Variants in PCDH15 observed in about 807,000 individuals in gnomAD.
PCDH15 encodes the protein protocadherin-15.
PCDH15 carries 129 observed loss-of-function variants against 178.5 expected under a neutral mutation model. The observed-to-expected ratio is 0.72, with a 90% CI of 0.63 to 0.84. PCDH15 has a LOEUF of 0.84. Ranked by LOEUF, PCDH15 falls within the 40% of genes least tolerant of loss-of-function variation. The probability of loss-of-function intolerance (pLI) is 0.00; values close to 1 mark genes in which losing one functional copy is unlikely to be tolerated. For missense variants in PCDH15, 2,230 were observed against 2,099.9 expected, an observed-to-expected ratio of 1.06 and a Z score of -1.21; for synonymous variants, 800 against 732.0, an observed-to-expected ratio of 1.09 and a Z score of -1.50.
chr10:54,392,870 G>T (rs1170552678), intron 3 of PCDH15, among the ~76,000 whole-genome samples: 1 of 145,814 alleles, frequency 6.9e-6, no homozygotes, highest in African/African-American at 2.6e-5. Context: ...CTGAACTCCA[G>T]TCTGGGCGAC....
intron 18 of PCDH15, among the ~76,000 whole-genome samples, chr10:54,044,001 C>T (rs1345177578): frequency 2.0e-5 from 3 of 152,046 alleles, no homozygotes; most frequent in African/African-American, 4.8e-5. Context: ...AGTCAAGTTG[C>T]AGCATGTTCT....
intron 1 of PCDH15, among the ~76,000 whole-genome samples, chr10:55,266,539 T>C (rs1842300341): frequency 6.6e-6 from 1 of 152,280 alleles, no homozygotes; most frequent in Non-Finnish European, 1.5e-5. Context: ...TGTTCCTAAA[T>C]GTTGCATTTC....
chr10:53,902,466 G>T (rs11003925), intron 26 of PCDH15, among the ~76,000 whole-genome samples: 34,349 of 152,032 alleles, frequency 0.23, 5,899 homozygotes, highest in African/African-American at 0.47. Context: ...CTATTTACAA[G>T]TTAACCATTG....
At chr10:55,422,271 T>TC (rs1156332804) in intron 2 of PCDH15, among the ~76,000 whole-genome samples, 3 of 151,844 alleles carry the variant, frequency 2.0e-5, no homozygotes, top group African/African-American at 7.2e-5. Flanking sequence ...AAAGATACCT[T>TC]AAAGAATAGT....
chr10:53,881,011 CAT>C (rs2080672480), intron 26 of PCDH15, among the ~76,000 whole-genome samples: 1 of 152,084 alleles, frequency 6.6e-6, no homozygotes, highest in Non-Finnish European at 1.5e-5. Flanking sequence ...TAAAAACACA[CAT>C]ATGTATATAT....
At chr10:54,068,842 CTGTG>C (rs796312459) in intron 17 of PCDH15, among the ~76,000 whole-genome samples, 8 of 152,096 alleles carry the variant, frequency 5.3e-5, no homozygotes, top group African/African-American at 1.7e-4. Context: ...GTGCATTAGT[CTGTG>C]TGTTATATTT....
intron 3 of PCDH15, among the ~76,000 whole-genome samples, chr10:54,875,940 T>C (rs1954131589): frequency 6.6e-6 from 1 of 152,156 alleles, no homozygotes; most frequent in African/African-American, 2.4e-5. Flanking sequence ...TCAATGTAGA[T>C]GAAAGAACCT....
rs754520523 is a variant in PCDH15 at position 53,995,778 on chromosome 10, A to G, written c.2752-13T>C. On this transcript the variant is annotated splice_polypyrimidine_tract_variant and intron_variant, in intron 20 of 37. Transcript: ENST00000644397. ...AATCATTCATATCCTGTAAAACACAATTAGGAGTTTAGTACTTCAGTTGAA... is the reference window on the plus strand; with the variant it reads ...AATCATTCATATCCTGTAAAACACAGTTAGGAGTTTAGTACTTCAGTTGAA... The G allele has an allele frequency of 1.9e-6, 3 of 1,611,762 alleles. No homozygotes were observed. The highest frequency in any genetic ancestry group is 2.2e-5 in the East Asian group (1 of 44,842).
intron 3 of PCDH15, among the ~76,000 whole-genome samples, chr10:54,503,264 T>TGTGTGAGAGA (rs35648214): frequency 1.3e-3 from 179 of 137,370 alleles, no homozygotes; most frequent in East Asian, 5.6e-3. Context: ...TGTGTGTGTG[T>TGTGTGAGAGA]GATTATATAT....
intron 6 of PCDH15, among the ~76,000 whole-genome samples, chr10:54,344,452 G>T (rs749937575): frequency 2.0e-5 from 3 of 152,058 alleles, no homozygotes; most frequent in Admixed American, 2.0e-4. Flanking sequence ...TAAGCAGAAA[G>T]ATAGTTTAAA....
At chr10:54,307,931 C>T (rs1209425719) in intron 8 of PCDH15, among the ~76,000 whole-genome samples, 6 of 151,934 alleles carry the variant, frequency 3.9e-5, no homozygotes, top group African/African-American at 1.4e-4. Context: ...GTAACAATAG[C>T]AAATATTGTT....
At chr10:53,920,237 A>T (rs1474038715) in intron 25 of PCDH15, among the ~76,000 whole-genome samples, 1 of 152,122 alleles carries the variant, frequency 6.6e-6, no homozygotes, top group Non-Finnish European at 1.5e-5. Context: ...AAATGTCATC[A>T]TAAACAGGTA....
At chr10:55,419,769 T>TG (rs1221119762) in intron 2 of PCDH15, among the ~76,000 whole-genome samples, 2 of 151,746 alleles carry the variant, frequency 1.3e-5, no homozygotes, top group Non-Finnish European at 2.9e-5. Context: ...CTACAAGTGT[T>TG]GGAGTTGACT....
chr10:54,529,996 G>A (rs2083747503), intron 2 of PCDH15, among the ~76,000 whole-genome samples: 1 of 151,984 alleles, frequency 6.6e-6, no homozygotes, highest in South Asian at 2.1e-4. Flanking sequence ...TAGTGTGAAT[G>A]TTGGTAGAGG....
chr10:54,178,049 A>G (rs2047617884), intron 13 of PCDH15, among the ~76,000 whole-genome samples: 1 of 152,094 alleles, frequency 6.6e-6, no homozygotes, highest in Non-Finnish European at 1.5e-5. Context: ...TACGTATTTG[A>G]AGAACGTTAA....
intron 1 of PCDH15, among the ~76,000 whole-genome samples, chr10:54,722,657 CA>C (rs1758524039): frequency 1.3e-5 from 2 of 151,330 alleles, no homozygotes; most frequent in African/African-American, 4.8e-5. Context: ...ATGACTCCCC[CA>C]GAAGACCTCT....
intron 20 of PCDH15, among the ~76,000 whole-genome samples, chr10:53,997,497 G>C (rs1452533905): frequency 1.3e-5 from 2 of 152,090 alleles, no homozygotes; most frequent in Non-Finnish European, 2.9e-5. Context: ...CCATGCATGA[G>C]TTTCCAATGA....
chr10:54,924,982 C>T (rs1391933988), intron 2 of PCDH15, among the ~76,000 whole-genome samples: 3 of 152,070 alleles, frequency 2.0e-5, no homozygotes, highest in Admixed American at 6.6e-5. Context: ...GCTTTTGTTG[C>T]AATTTCTTTT....
chr10:54,519,441 A>C (rs2082603668), intron 3 of PCDH15, among the ~76,000 whole-genome samples: 1 of 152,192 alleles, frequency 6.6e-6, no homozygotes, highest in Admixed American at 6.6e-5. Context: ...GAGCCAAATC[A>C]TGAGTGAACT....
Sources: allele counts gnomAD v4.1 joint callset (sites outside exome capture counted in the v4.1 genomes callset), GRCh38; gene constraint gnomAD v4.1.1; transcripts MANE v1.5; gene names NCBI Gene and HGNC (gene_info 2026-07-23, HGNC 2026-07-21).